Variants in DACH2 observed in about 807,000 individuals in gnomAD.
The protein encoded by DACH2 is dachshund family transcription factor 2.
DACH2 carries 17 observed loss-of-function variants against 35.8 expected under a neutral mutation model. The observed-to-expected ratio is 0.48, with a 90% CI of 0.33 to 0.71. DACH2 has a LOEUF of 0.71. Among genes scored for constraint, DACH2 ranks in the 30% least tolerant of loss-of-function variants. The probability of loss-of-function intolerance (pLI) is 0.02; values close to 1 mark genes in which losing one functional copy is unlikely to be tolerated. For synonymous variants in DACH2, 195 were observed against 177.3 expected (o/e 1.10, Z -0.79); for missense variants, 469 against 472.7 (o/e 0.99, Z 0.07).
At chrX:86,468,911 A>C (rs1327453471) in intron 2 of DACH2, among the ~76,000 whole-genome samples, 2 of 111,846 alleles carry the variant, frequency 1.8e-5, no homozygotes, top group Non-Finnish European at 3.8e-5. Flanking sequence ...TCCCAAGTTC[A>C]TTGTAGCATT....
chrX:86,304,567 G>C (rs1041166830), intron 1 of DACH2: 1 of 157,505 alleles, frequency 6.3e-6, no homozygotes, highest in Non-Finnish European at 1.3e-5. Flanking sequence ...ACGATAACCA[G>C]GCTGGATATC....
At chrX:86,396,773 A>G (rs371862988) in intron 2 of DACH2, among the ~76,000 whole-genome samples, 1,571 of 110,414 alleles carry the variant, frequency 0.014, 15 homozygotes, top group African/African-American at 0.023. Flanking sequence ...CCAGTACCAT[A>G]CTGTTTTGGT....
chrX:86,574,179 G>A (rs995732338), intron 3 of DACH2, among the ~76,000 whole-genome samples: 1 of 110,969 alleles, frequency 9.0e-6, no homozygotes, highest in Admixed American at 9.6e-5. Flanking sequence ...CAAATTGGGT[G>A]GAATTTGTTC....
At chrX:86,319,286 A>G (rs2034972873) in intron 1 of DACH2, among the ~76,000 whole-genome samples, 1 of 112,334 alleles carries the variant, frequency 8.9e-6, no homozygotes, top group Non-Finnish European at 1.9e-5. Context: ...TTAATTTAAG[A>G]CAATTCTTTA....
At position 86,192,666 on chromosome X, in the gene DACH2, T is replaced by A. The variant is rs190157761; in HGVS notation, c.488+43558T>A. ...CGTCTAAAATAAATTTAACAAGTAG[T>A]GTTCACTAATGTATTTAGGATTAGA... is the stretch of plus-strand genomic sequence containing the variant. On this transcript the variant is annotated intron_variant, in intron 1 of 11. Coordinates refer to ENST00000373125, the MANE Select transcript of DACH2 (RefSeq NM_053281.3). Among the ~76,000 whole-genome samples, 20 of 112,361 alleles carry A rather than the reference T, an allele frequency of 1.8e-4. No individual in the cohort carries two copies. The Admixed American group carries it at 1.9e-3, about 11-fold the overall frequency.
At chrX:86,403,035 A>T (rs2036462523) in intron 2 of DACH2, among the ~76,000 whole-genome samples, 1 of 112,301 alleles carries the variant, frequency 8.9e-6, no homozygotes, top group Non-Finnish European at 1.9e-5. Flanking sequence ...AATTAACTGA[A>T]GATGGATCAA....
At position 86,698,514 on chromosome X, in the gene DACH2, G is replaced by GTTTTTT. The variant is rs1345238527; in HGVS notation, c.931+3339_931+3340insTTTTTT. The stretch of plus-strand genomic sequence containing the variant: ...TTAATTTCTTCTTTTTGTTTTGTTA[G>GTTTTTT]TTTTGTGTTTTTTTTTTTTTTTTTT... On this transcript the variant is annotated intron_variant, in intron 5 of 11. Transcript: ENST00000373125. Among the ~76,000 whole-genome samples the GTTTTTT allele has an allele frequency of 1.8e-3, 63 of 34,325 alleles. 2 individuals carry two copies. The highest frequency in any genetic ancestry group is 2.5e-3 in the Non-Finnish European group (50 of 20,254). 29.8% of individuals were successfully genotyped at this position (34,325 alleles called of 115,157 possible).
intron 11 of DACH2, chrX:86,830,891 A>G (rs2042605452): frequency 9.0e-6 from 1 of 111,594 alleles, no homozygotes. Flanking sequence ...AAATATTCTC[A>G]GACTCCACAA....
chrX:86,632,732 A>G lies in DACH2; in HGVS notation c.641-18304A>G, dbSNP rs534860072. Reference sequence around the variant, plus strand: ...CCTCAATAAATTGTTTAAAATTGAAATCATATCAAGTATTTTCTCAGACCT... The same window carrying G: ...CCTCAATAAATTGTTTAAAATTGAAGTCATATCAAGTATTTTCTCAGACCT... On this transcript the variant is annotated intron_variant, in intron 3 of 11. Transcript: ENST00000373125. Among the ~76,000 whole-genome samples, 8 of 111,132 alleles carry G rather than the reference A, an allele frequency of 7.2e-5. No homozygotes were observed. The South Asian group carries it at 3.0e-3, about 42-fold the overall frequency.
At chrX:86,305,732 G>GA (rs764886224) in intron 1 of DACH2, among the ~76,000 whole-genome samples, 133 of 102,843 alleles carry the variant, frequency 1.3e-3, no homozygotes, top group African/African-American at 3.3e-3. Flanking sequence ...CTCGATAGCA[G>GA]AAAAAAAAAA....
At chrX:86,603,269 T>C (rs944503317) in intron 3 of DACH2, among the ~76,000 whole-genome samples, 1 of 111,367 alleles carries the variant, frequency 9.0e-6, no homozygotes, top group African/African-American at 3.3e-5. Flanking sequence ...CTTAACTTGA[T>C]TACCTCTATA....
At chrX:86,638,109 G>A (rs67638065) in intron 3 of DACH2, among the ~76,000 whole-genome samples, 13,780 of 110,741 alleles carry the variant, frequency 0.12, 754 homozygotes, top group East Asian at 0.32. Flanking sequence ...ATAAAGCCAT[G>A]TACATACAGC....
chrX:86,337,500 T>C (rs763400433), intron 1 of DACH2, among the ~76,000 whole-genome samples: 1 of 111,473 alleles, frequency 9.0e-6, no homozygotes, highest in Non-Finnish European at 1.9e-5. Context: ...GAAGGAGAAA[T>C]AAAATTCTTC....
chrX:86,725,069 G>T (rs367745521), intron 6 of DACH2, among the ~76,000 whole-genome samples: 6 of 104,755 alleles, frequency 5.7e-5, no homozygotes, highest in Admixed American at 1.0e-4. Flanking sequence ...GGTAAATTTC[G>T]CATTTATGTC....
chrX:86,667,116 C>T (rs1395801028), intron 4 of DACH2, among the ~76,000 whole-genome samples: 3 of 98,986 alleles, frequency 3.0e-5, no homozygotes, highest in Non-Finnish European at 6.0e-5. Flanking sequence ...ATTAGCCTGG[C>T]GTGGTGGTGC....
intron 3 of DACH2, among the ~76,000 whole-genome samples, chrX:86,598,903 A>G (rs1389086938): frequency 9.2e-6 from 1 of 108,858 alleles, no homozygotes; most frequent in African/African-American, 3.4e-5. Context: ...TGCTGCACCC[A>G]TTAACTCGTC....
intron 3 of DACH2, among the ~76,000 whole-genome samples, chrX:86,632,050 A>G (rs2040206898): frequency 8.9e-6 from 1 of 112,016 alleles, no homozygotes; most frequent in Non-Finnish European, 1.9e-5. Flanking sequence ...GCTGAATTCC[A>G]TTTTGCACAT....
chrX:86,752,283 A>G (rs1327985575), intron 7 of DACH2, among the ~76,000 whole-genome samples: 1 of 111,762 alleles, frequency 8.9e-6, no homozygotes, highest in Non-Finnish European at 1.9e-5. Flanking sequence ...TTGTATTTTG[A>G]TGAAACCACA....
chrX:86,245,199 G>A (rs746233054), intron 1 of DACH2, among the ~76,000 whole-genome samples: 2 of 111,710 alleles, frequency 1.8e-5, no homozygotes, highest in Non-Finnish European at 3.8e-5. Context: ...AAAACTCAGT[G>A]TTCCTGCTGG....
Sources: allele counts gnomAD v4.1 joint callset (sites outside exome capture counted in the v4.1 genomes callset), GRCh38; gene constraint gnomAD v4.1.1; transcripts MANE v1.5; gene names NCBI Gene and HGNC (gene_info 2026-07-23, HGNC 2026-07-21).